GALNT1: variants seen among roughly 807,000 people sequenced by gnomAD.
GALNT1 encodes the protein polypeptide N-acetylgalactosaminyltransferase 1, also known as GalNAc transferase 1.
Under a neutral mutation model 65.7 loss-of-function variants are expected in GALNT1, and 17 were observed. The ratio of observed to expected loss-of-function variants is 0.26; its 90% CI spans 0.18 to 0.39. The LOEUF (loss-of-function observed/expected upper bound fraction) is 0.39. GALNT1 is among the 10% of genes least tolerant of loss of function. The probability of loss-of-function intolerance (pLI) is 1.00; values close to 1 mark genes in which losing one functional copy is unlikely to be tolerated. For missense variants in GALNT1, 460 were observed against 672.8 expected, an observed-to-expected ratio of 0.68 and a Z score of 3.50; for synonymous variants, 210 against 219.7, an observed-to-expected ratio of 0.96 and a Z score of 0.39.
intron 3 of GALNT1, among the ~76,000 whole-genome samples, chr18:35,673,564 A>C (rs2047664836): frequency 6.6e-6 from 1 of 152,220 alleles, no homozygotes; most frequent in Non-Finnish European, 1.5e-5. Flanking sequence ...ATAAAAAGTC[A>C]GGAGGACCCT....
chr18:35,629,453 T>C (rs944160929), intron 1 of GALNT1, among the ~76,000 whole-genome samples: 7 of 152,188 alleles, frequency 4.6e-5, no homozygotes, highest in Non-Finnish European at 1.0e-4. Flanking sequence ...CAGAATTTCA[T>C]ATCCAGCCAA....
intron 1 of GALNT1, among the ~76,000 whole-genome samples, chr18:35,652,019 A>T (rs1303662058): frequency 6.6e-6 from 1 of 151,924 alleles, no homozygotes; most frequent in African/African-American, 2.4e-5. Flanking sequence ...TAAAGACATA[A>T]GTAGCCTTTT....
At chr18:35,606,061 G>C (rs755331025) in intron 1 of GALNT1, among the ~76,000 whole-genome samples, 1 of 152,174 alleles carries the variant, frequency 6.6e-6, no homozygotes, top group Non-Finnish European at 1.5e-5. Flanking sequence ...AACAAAACTT[G>C]TTGGTCTTGT....
intron 1 of GALNT1, among the ~76,000 whole-genome samples, chr18:35,645,230 T>TG (rs1306343696): frequency 6.1e-5 from 8 of 131,378 alleles, no homozygotes; most frequent in Admixed American, 3.0e-4. Flanking sequence ...TTTTTTTTTT[T>TG]TTTTTTTTTT....
rs1380674434 is a variant in GALNT1, at chr18:35,687,178, T to C, written c.852T>C (p.Leu284=). Residue 284 remains leucine, a synonymous_variant, in exon 6 of 12, where the codon CTT becomes CTC. Transcript: ENST00000269195. ...ACAGAAGGAAAGGTGATCGGACTCT[T>C]CCTGTCAGGTAATTAATTTGTCAGA... ...EMDRRKGDRT[L]PVRTPTMAGG... is the part of the protein sequence containing the mutation. 6.2e-7 allele frequency: 1 copy of C among 1,611,570 alleles called. No individual in the cohort carries two copies. Among genetic ancestry groups the C allele is most frequent in the African/African-American group, 1.3e-5 (1 of 74,804 alleles).
chr18:35,615,848 G>T (rs2046777124), intron 1 of GALNT1, among the ~76,000 whole-genome samples: 1 of 152,228 alleles, frequency 6.6e-6, no homozygotes, highest in African/African-American at 2.4e-5. Flanking sequence ...GTTGGACATT[G>T]TCAAGTATAC....
rs2047354842 is a variant in GALNT1 at position 35,654,615 on chromosome 18, A to ATATT, written c.-44_-41dup. On this transcript the variant is annotated 5_prime_UTR_variant, in exon 2 of 12. An upstream open reading frame in the 5' UTR loses its in-frame stop. Transcript: ENST00000269195. ...TTGGAATAATTTTCATGATCTTTGT[A>ATATT]TATTTATATATATATATTTTTAAAT... 1 of 1,041,412 alleles carries ATATT rather than the reference A, an allele frequency of 9.6e-7. No individual in the cohort carries two copies. Among genetic ancestry groups the ATATT allele is most frequent in the South Asian group, 3.7e-5 (1 of 27,100 alleles). The allele number at this position is 1,041,412 out of a possible 1,614,324, so 64.5% of individuals were successfully genotyped here. A position where few individuals can be genotyped will look rare whatever the true frequency, so the allele number is the denominator to read the frequency against.
intron 1 of GALNT1, among the ~76,000 whole-genome samples, chr18:35,595,194 C>CA (rs34401728): frequency 6.6e-6 from 1 of 151,802 alleles, no homozygotes; most frequent in Non-Finnish European, 1.5e-5. Flanking sequence ...TAATATATAA[C>CA]AAAAAAGTAA....
rs116169221 is a variant in GALNT1, at chr18:35,622,948, A to G, written c.-103-31612A>G. On this transcript the variant is annotated intron_variant, in intron 1 of 11. Coordinates refer to ENST00000269195, the MANE Select transcript of GALNT1 (RefSeq NM_020474.4). The stretch of plus-strand genomic sequence containing the variant: ...TCTTAAAGGAGTGCTGAGTTTTACT[A>G]TTTTATATAATATATAAGTTGTTTC... 6.4e-3 allele frequency among the ~76,000 whole-genome samples: 969 copies of G among 152,154 alleles called. 18 individuals are homozygous for G. Among genetic ancestry groups the G allele is most frequent in the African/African-American group, 0.022 (919 of 41,554 alleles).
In GALNT1 at chr18:35,665,699, G is replaced by A. The variant is rs185083517; in HGVS notation, c.314+1897G>A. Among the ~76,000 whole-genome samples the A allele has an allele frequency of 5.8e-3, 880 of 152,278 alleles. 6 individuals are homozygous for A. Among genetic ancestry groups the A allele is most frequent in the South Asian group, 0.024 (114 of 4,828 alleles). The stretch of plus-strand genomic sequence containing the variant: ...TCTCAGCAACTCTAGAAACAAAGGA[G>A]CAAAATTCTAAAGGAAAATAATTTC... On this transcript the variant is annotated intron_variant, in intron 3 of 11. Coordinates refer to ENST00000269195, the MANE Select transcript of GALNT1 (RefSeq NM_020474.4).
intron 1 of GALNT1, among the ~76,000 whole-genome samples, chr18:35,652,139 C>T (rs2047319564): frequency 6.6e-6 from 1 of 152,060 alleles, no homozygotes; most frequent in Non-Finnish European, 1.5e-5. Context: ...AGAAACATCT[C>T]AAAGAAGACA....
chr18:35,686,350 C>T (rs886880143), intron 5 of GALNT1, among the ~76,000 whole-genome samples: 1 of 152,020 alleles, frequency 6.6e-6, no homozygotes, highest in African/African-American at 2.4e-5. Flanking sequence ...CTGTACAGGC[C>T]GATTCTAGCA....
At chr18:35,593,677 A>AT (rs911344972) in intron 1 of GALNT1, among the ~76,000 whole-genome samples, 303 of 147,430 alleles carry the variant, frequency 2.1e-3, no homozygotes, top group Middle Eastern at 6.9e-3. Flanking sequence ...GTGGCAGATA[A>AT]TTTTTTTTTT....
chr18:35,592,200 C>G (rs1248989166), intron 1 of GALNT1, among the ~76,000 whole-genome samples: 1 of 152,152 alleles, frequency 6.6e-6, no homozygotes, highest in Non-Finnish European at 1.5e-5. Context: ...TACATCCTCA[C>G]TGGGCACATA....
At chr18:35,613,814 A>G (rs2046748841) in intron 1 of GALNT1, among the ~76,000 whole-genome samples, 1 of 152,084 alleles carries the variant, frequency 6.6e-6, no homozygotes, top group African/African-American at 2.4e-5. Context: ...CCGAAAAATT[A>G]TAACTGCAGT....
intron 1 of GALNT1, among the ~76,000 whole-genome samples, chr18:35,647,652 TG>T (rs2047248917): frequency 1.3e-5 from 2 of 152,162 alleles, no homozygotes; most frequent in Non-Finnish European, 2.9e-5. Context: ...GTTAGTATGA[TG>T]TAAAACTAGT....
intron 1 of GALNT1, among the ~76,000 whole-genome samples, chr18:35,631,412 C>T (rs1272261595): frequency 1.3e-5 from 2 of 152,128 alleles, no homozygotes; most frequent in South Asian, 4.1e-4. Context: ...ATACGCAAAT[C>T]AATAAATGTA....
intron 1 of GALNT1, among the ~76,000 whole-genome samples, chr18:35,629,101 T>C (rs2046965958): frequency 6.6e-6 from 1 of 152,156 alleles, no homozygotes; most frequent in African/African-American, 2.4e-5. Flanking sequence ...TTGGTGTACC[T>C]GAAAGTGATG....
At chr18:35,673,516 A>G (rs922751589) in intron 3 of GALNT1, among the ~76,000 whole-genome samples, 2 of 152,226 alleles carry the variant, frequency 1.3e-5, no homozygotes, top group African/African-American at 4.8e-5. Flanking sequence ...TACATGGGAT[A>G]ACATATTTAA....
Sources: allele counts gnomAD v4.1 joint callset (sites outside exome capture counted in the v4.1 genomes callset), GRCh38; gene constraint gnomAD v4.1.1; transcripts MANE v1.5; gene names NCBI Gene and HGNC (gene_info 2026-07-23, HGNC 2026-07-21).